SYNE1: variants seen among roughly 807,000 people sequenced by gnomAD.
SYNE1 encodes spectrin repeat containing nuclear envelope protein 1, also known as nesprin-1.
Under a neutral mutation model 1,111.0 loss-of-function variants are expected in SYNE1, and 616 were observed. The observed-to-expected ratio is 0.55, with a 90% CI of 0.52 to 0.59. The LOEUF (loss-of-function observed/expected upper bound fraction) is 0.59, where lower values mean the gene tolerates loss of function less well. Ranked by LOEUF, SYNE1 falls within the 20% of genes least tolerant of loss-of-function variation. The pLI, the probability that SYNE1 is intolerant of heterozygous loss-of-function variation, is 0.00. For synonymous variants in SYNE1, 3,855 were observed against 3,825.8 expected (o/e 1.01, Z -0.28); for missense variants, 10,006 against 10,417.0 (o/e 0.96, Z 1.72).
chr6:152,126,836 T>C (rs1273629714), intron 145 of SYNE1: 3 of 152,226 alleles, frequency 2.0e-5, no homozygotes, highest in Non-Finnish European at 2.9e-5. Context: ...ATGACTCACT[T>C]TGAAAATTGT....
intron 5 of SYNE1, among the ~76,000 whole-genome samples, chr6:152,521,619 T>C (rs2099140390): frequency 6.6e-6 from 1 of 152,192 alleles, no homozygotes; most frequent in Admixed American, 6.6e-5. Flanking sequence ...TCAGCAGCAA[T>C]GGGGACTTCT....
intron 13 of SYNE1, 74 bp from the exon 14 acceptor site, chr6:152,483,323 A>C: frequency 8.1e-7 from 1 of 1,239,692 alleles, no homozygotes; most frequent in Non-Finnish European, 1.2e-6. Flanking sequence ...CCCAAATAAT[A>C]GTAAAGCATA....
chr6:152,236,695 A>C (rs1588439420), intron 109 of SYNE1, 122 bp downstream of exon 109: 2 of 1,212,826 alleles, frequency 1.6e-6, no homozygotes, highest in Non-Finnish European at 2.4e-6. Flanking sequence ...ATCTCCTTTC[A>C]ATGTCAATAA....
At chr6:152,151,123 G>A (rs1369827967) in intron 135 of SYNE1, among the ~76,000 whole-genome samples, 1 of 152,012 alleles carries the variant, frequency 6.6e-6, no homozygotes, top group Non-Finnish European at 1.5e-5. Context: ...TTGGCAGGCT[G>A]AGGCAGGAGA....
chr6:152,575,422 T>A (rs890531035), intron 3 of SYNE1, among the ~76,000 whole-genome samples: 13 of 152,200 alleles, frequency 8.5e-5, no homozygotes, highest in African/African-American at 3.1e-4. Flanking sequence ...AGACAAGGCT[T>A]AGAGGTCTGC....
chr6:152,395,811 A>C, intron 50 of SYNE1, 140 bp from the exon 51 acceptor site: 2 of 803,444 alleles, frequency 2.5e-6, no homozygotes, highest in East Asian at 5.2e-5. Context: ...AACAAAACTT[A>C]ACAACTAACC....
chr6:152,343,406 G>A (rs1303975671), intron 74 of SYNE1, among the ~76,000 whole-genome samples: 8 of 150,502 alleles, frequency 5.3e-5, no homozygotes, highest in South Asian at 2.1e-4. Context: ...TGGTCGGCCC[G>A]CCTTGGCCTC....
chr6:152,321,358 C>T lies in SYNE1; in HGVS notation c.16116G>A (p.Gln5372=). ...GTTCTTCTGCCATTTTTTCAATGTT[C>T]TGTCGGTGATTTGTGGCTTCTGTTA... ...ILLTEATNHR[Q]NIEKMAEEQK... Residue 5372 remains glutamine (Q), a synonymous_variant, in exon 84 of 146, where the codon CAG becomes CAA. Transcript: ENST00000367255. The T allele has an allele frequency of 6.2e-7, 1 of 1,613,690 alleles. No individual in the cohort carries two copies. Among genetic ancestry groups the T allele is most frequent in the Non-Finnish European group, 8.5e-7 (1 of 1,179,846 alleles).
intron 46 of SYNE1, 74 bp downstream of exon 46, chr6:152,404,139 A>G (rs1206282718): frequency 9.4e-6 from 9 of 955,142 alleles, no homozygotes; most frequent in Non-Finnish European, 1.4e-5. Context: ...ACACACACAG[A>G]GACAGAGAAA....
chr6:152,429,909 T>C (rs906677350), intron 36 of SYNE1, among the ~76,000 whole-genome samples: 2 of 152,236 alleles, frequency 1.3e-5, no homozygotes, highest in African/African-American at 4.8e-5. Context: ...TCCTTTAATA[T>C]ACATCTTTAA....
chr6:152,458,083 G>A (rs1304204105), intron 22 of SYNE1, among the ~76,000 whole-genome samples: 8 of 151,850 alleles, frequency 5.3e-5, no homozygotes, highest in South Asian at 2.1e-4. Context: ...TAGGGATCAC[G>A]TTTCATGAAC....
rs1210886004 is a variant in SYNE1 at position 152,256,623 on chromosome 6, C to T, written c.19104+11G>A. 6.2e-7 allele frequency: 1 copy of T among 1,613,056 alleles called. No homozygotes were observed. The highest frequency in any genetic ancestry group is 8.5e-7 in the Non-Finnish European group (1 of 1,179,360). On this transcript the variant is annotated intron_variant, in intron 102 of 145. Coordinates refer to ENST00000367255, the MANE Select transcript of SYNE1 (RefSeq NM_182961.4). The stretch of plus-strand genomic sequence containing the variant: ...TAAACCAAGCCAAACACACTGATAA[C>T]ACAGCCTTACCTGGGATGAAACCTC...
chr6:152,139,239 T>G (rs9383609), intron 140 of SYNE1, among the ~76,000 whole-genome samples: 69,625 of 151,912 alleles, frequency 0.46, 16,393 homozygotes, highest in African/African-American at 0.56. Flanking sequence ...TTACATGGTG[T>G]ATAGTTCTAC....
rs370118458 is a variant in SYNE1, at chr6:152,294,146, G to A, written c.17683-19C>T. 4 of 1,612,224 alleles carry A rather than the reference G, an allele frequency of 2.5e-6. No individual in the cohort carries two copies. The highest frequency in any genetic ancestry group is 1.7e-5 in the Admixed American group (1 of 60,002). On this transcript the variant is annotated intron_variant, in intron 93 of 145. Coordinates refer to ENST00000367255, the MANE Select transcript of SYNE1 (RefSeq NM_182961.4). ...CAATGTCCTGTGAGTGCAAAGCACA[G>A]TATTGAATTAAACAAAAAGACAAAG...
intron 63 of SYNE1, 129 bp downstream of exon 63, chr6:152,364,718 A>AAGGAAGGAAGGG: frequency 9.6e-7 from 1 of 1,042,280 alleles, no homozygotes; most frequent in East Asian, 2.5e-5. Flanking sequence ...GGAAGGAAGG[A>AAGGAAGGAAGGG]AGGAAGGAAG....
At chr6:152,333,456 C>A (rs1286859387) in intron 77 of SYNE1, among the ~76,000 whole-genome samples, 1 of 152,008 alleles carries the variant, frequency 6.6e-6, no homozygotes, top group Non-Finnish European at 1.5e-5. Flanking sequence ...TTAGAATATT[C>A]TTTGAGGTCA....
intron 3 of SYNE1, among the ~76,000 whole-genome samples, chr6:152,570,151 T>A (rs1162779712): frequency 6.6e-6 from 1 of 152,240 alleles, no homozygotes; most frequent in South Asian, 2.1e-4. Context: ...TAGATCATTA[T>A]GAAATCACAG....
rs886044585 is a variant in SYNE1, at chr6:152,293,601, A to T, written c.17999T>A (p.Met6000Lys). The change falls in exon 95 of 146, where the codon ATG (methionine) becomes AAG (lysine). Residue 6000 changes from methionine (M) to lysine (K), a missense_variant. Physicochemically the swap from Met to Lys is moderately conservative, Grantham distance 95. This residue lies in a region of SYNE1 where 4,955 missense variants were observed against 5,017.2 expected (regional missense o/e 0.99). Coordinates refer to ENST00000367255, the MANE Select transcript of SYNE1 (RefSeq NM_182961.4). ...GGCTATTTGTACCTGATGTTCAGCCATCTGGCTTTCTGGACTCCTGCCAGG... is the reference window on the plus strand; with the variant it reads ...GGCTATTTGTACCTGATGTTCAGCCTTCTGGCTTTCTGGACTCCTGCCAGG... ...PEPGRSPESQ[M>K]AEHQALMDEI... 2.5e-6 allele frequency: 4 copies of T among 1,614,124 alleles called. No homozygotes were observed. The highest frequency in any genetic ancestry group is 3.4e-6 in the Non-Finnish European group (4 of 1,180,002).
At chr6:152,476,930 T>C (rs2098838491) in intron 14 of SYNE1, among the ~76,000 whole-genome samples, 1 of 150,912 alleles carries the variant, frequency 6.6e-6, no homozygotes, top group African/African-American at 2.4e-5. Flanking sequence ...GGTTAGAACA[T>C]TGTGGAGCAA....
Sources: allele counts gnomAD v4.1 joint callset (sites outside exome capture counted in the v4.1 genomes callset), GRCh38; gene constraint gnomAD v4.1.1; regional missense constraint gnomAD v4.1.1; transcripts MANE v1.5; gene names NCBI Gene and HGNC (gene_info 2026-07-23, HGNC 2026-07-21).